MSR1: variants seen among roughly 807,000 people sequenced by gnomAD.
The protein encoded by MSR1 is macrophage scavenger receptor 1.
Under a neutral mutation model 47.2 loss-of-function variants are expected in MSR1, and 53 were observed. The ratio of observed to expected loss-of-function variants is 1.12; its 90% confidence interval spans 0.90 to 1.41. The LOEUF is 1.41. MSR1 is among the 40% of genes most tolerant of loss of function. The probability of loss-of-function intolerance (pLI) is 0.00; values close to 1 mark genes in which losing one functional copy is unlikely to be tolerated. For synonymous variants in MSR1, 239 were observed against 185.6 expected (o/e 1.29, Z -2.34); for missense variants, 786 against 546.9 (o/e 1.44, Z -4.36).
intron 5 of MSR1, among the ~76,000 whole-genome samples, chr8:16,162,348 G>T (rs1475616734): frequency 6.6e-6 from 1 of 151,874 alleles, no homozygotes; most frequent in African/African-American, 2.4e-5. Context: ...AAATCAGAAG[G>T]TTTCTTGATC....
chr8:16,120,386 C>G (rs779973297), intron 9 of MSR1, 32 bp downstream of exon 9: 1 of 1,611,312 alleles, frequency 6.2e-7, no homozygotes, highest in Non-Finnish European at 8.5e-7. Flanking sequence ...GAAACAACAA[C>G]AACAAACCTC....
At chr8:16,134,746 A>C (rs1248934621) in intron 8 of MSR1, among the ~76,000 whole-genome samples, 1 of 152,200 alleles carries the variant, frequency 6.6e-6, no homozygotes, top group Non-Finnish European at 1.5e-5. Context: ...AATTTACCTA[A>C]GTTGTAAATG....
In MSR1 at chr8:16,164,245, T is replaced by C. The variant is rs760013859; in HGVS notation, c.637A>G (p.Ser213Gly). The C allele has an allele frequency of 3.7e-6, 6 of 1,610,856 alleles. No homozygotes were observed. In the East Asian group the frequency reaches 1.1e-4, roughly 30 times the overall value. The change falls in exon 5 of 10, where the codon AGT becomes GGT. Residue 213 changes from serine (S) to glycine (G), a missense_variant. Transcript: ENST00000262101. Reference protein sequence around the residue: ...ENTFKQQEEISKLEERVYNVS... With the variant: ...ENTFKQQEEIGKLEERVYNVS... The stretch of plus-strand genomic sequence containing the variant: ...TTGTAAACACGCTCCTCTAATTTAC[T>C]GATTTCCTGTAAAACATAAGTGAGC...
At chr8:16,178,702 C>G (rs560601686) in intron 1 of MSR1, among the ~76,000 whole-genome samples, 1 of 152,116 alleles carries the variant, frequency 6.6e-6, no homozygotes, top group South Asian at 2.1e-4. Flanking sequence ...AAGGGTTGAA[C>G]TAGTTTACAG....
intron 9 of MSR1, among the ~76,000 whole-genome samples, chr8:16,111,271 G>A (rs958840412): frequency 2.0e-5 from 3 of 152,098 alleles, no homozygotes; most frequent in African/African-American, 4.8e-5. Context: ...GGAGGAAGCC[G>A]AAGTACGAGA....
chr8:16,160,811 A>C (rs1467056963), intron 5 of MSR1, among the ~76,000 whole-genome samples: 2 of 151,964 alleles, frequency 1.3e-5, no homozygotes, highest in Non-Finnish European at 2.9e-5. Flanking sequence ...GTGGCACTTC[A>C]TTCTTCCACA....
At chr8:16,149,167 T>C (rs1188764446) in intron 7 of MSR1, among the ~76,000 whole-genome samples, 2 of 152,080 alleles carry the variant, frequency 1.3e-5, no homozygotes, top group East Asian at 1.9e-4. Flanking sequence ...TGGCCACTAA[T>C]GTACATTATA....
intron 5 of MSR1, among the ~76,000 whole-genome samples, chr8:16,159,232 G>C (rs1449042395): frequency 2.0e-5 from 3 of 151,110 alleles, no homozygotes; most frequent in Non-Finnish European, 4.4e-5. Context: ...ATCCTAGGAA[G>C]CCAATATATC....
intron 7 of MSR1, among the ~76,000 whole-genome samples, chr8:16,146,378 A>G (rs73205029): frequency 0.16 from 23,999 of 152,004 alleles, 2,345 homozygotes; most frequent in Non-Finnish European, 0.22. Flanking sequence ...CAAAGAAAAA[A>G]AAAACCATAT....
chr8:16,115,532 G>C (rs1165958593), intron 9 of MSR1, among the ~76,000 whole-genome samples: 1 of 152,136 alleles, frequency 6.6e-6, no homozygotes, highest in Non-Finnish European at 1.5e-5. Flanking sequence ...CAGTGAAGTA[G>C]ATCATAAAAC....
At chr8:16,158,562 G>GTCTCA (rs1369907659) in intron 5 of MSR1, among the ~76,000 whole-genome samples, 1 of 151,438 alleles carries the variant, frequency 6.6e-6, no homozygotes, top group Non-Finnish European at 1.5e-5. Flanking sequence ...TTTCAATCTT[G>GTCTCA]TCTCATATTC....
In MSR1 at chr8:16,156,788, T is replaced by C. The variant is rs34005223; in HGVS notation, c.818-1644A>G. 3.9e-3 allele frequency among the ~76,000 whole-genome samples: 586 copies of C among 152,000 alleles called. 3 individuals are homozygous for C. The highest frequency in any genetic ancestry group is 0.031 in the Middle Eastern group (9 of 294). ...AACTGGTGTATTATATTCTAAGGTATAGCTTAATTGCTGCGAGACATATAT... is the reference window on the plus strand; with the variant it reads ...AACTGGTGTATTATATTCTAAGGTACAGCTTAATTGCTGCGAGACATATAT... On this transcript the variant is annotated intron_variant, in intron 5 of 9. Transcript: ENST00000262101.
chr8:16,177,524 C>G (rs780449350), intron 2 of MSR1, among the ~76,000 whole-genome samples: 1 of 151,804 alleles, frequency 6.6e-6, no homozygotes. Context: ...TGAGCGAATA[C>G]ATTTCTGTTT....
At chr8:16,155,265 A>C (rs867603135) in intron 5 of MSR1, 121 bp from the exon 6 acceptor site, 2 of 718,424 alleles carry the variant, frequency 2.8e-6, no homozygotes, top group South Asian at 3.1e-5. Context: ...AATAATATAG[A>C]ATGTATAATA....
chr8:16,154,811 T>C (rs1254771456), intron 6 of MSR1, among the ~76,000 whole-genome samples: 4 of 151,934 alleles, frequency 2.6e-5, no homozygotes, highest in Non-Finnish European at 4.4e-5. Flanking sequence ...TTACTCTGGT[T>C]AAAGCATTTA....
At chr8:16,135,137 A>C (rs2117092996) in intron 8 of MSR1, among the ~76,000 whole-genome samples, 1 of 152,332 alleles carries the variant, frequency 6.6e-6, no homozygotes, top group South Asian at 2.1e-4. Context: ...ACTACACTAC[A>C]CAACAGATTT....
chr8:16,141,084 C>T (rs146498803), intron 8 of MSR1: 1 of 1,608,054 alleles, frequency 6.2e-7, no homozygotes, highest in African/African-American at 1.3e-5. Context: ...TTATTTTTAA[C>T]ATATTTTCAG....
At chr8:16,161,052 T>C (rs1424193750) in intron 5 of MSR1, among the ~76,000 whole-genome samples, 1 of 140,742 alleles carries the variant, frequency 7.1e-6, no homozygotes, top group Non-Finnish European at 1.5e-5. Context: ...TTTTTTTTTT[T>C]GCTATTTAGA....
chr8:16,120,964 C>T lies in MSR1; in HGVS notation c.1034-358G>A, dbSNP rs1175028609. 1.6e-5 allele frequency: 5 copies of T among 318,438 alleles called. No individual in the cohort carries two copies. The Admixed American group carries it at 2.4e-4, about 15-fold the overall frequency. 19.7% of individuals were successfully genotyped at this position (318,438 alleles called of 1,614,324 possible). On this transcript the variant is annotated intron_variant, in intron 8 of 9. Transcript: ENST00000262101. ...ATTGAAAAATTATAACTAAATGGTT[C>T]ATTATTTTCTTGACATACAAACATA...
Sources: allele counts gnomAD v4.1 joint callset (sites outside exome capture counted in the v4.1 genomes callset), GRCh38; gene constraint gnomAD v4.1.1; transcripts MANE v1.5; gene names NCBI Gene and HGNC (gene_info 2026-07-23, HGNC 2026-07-21).